CDH22: variants seen among roughly 807,000 people sequenced by gnomAD.
The protein encoded by CDH22 is cadherin-22.
Under a neutral mutation model 58.4 loss-of-function variants are expected in CDH22, and 30 were observed. The ratio of observed to expected loss-of-function variants is 0.51; its 90% CI spans 0.38 to 0.70. The LOEUF (loss-of-function observed/expected upper bound fraction) is 0.70. CDH22 is among the 30% of genes least tolerant of loss of function. The pLI is 0.00. For synonymous variants in CDH22, 513 were observed against 558.2 expected, an observed-to-expected ratio of 0.92 and a Z score of 1.14; for missense variants, 1,014 against 1,233.9, an observed-to-expected ratio of 0.82 and a Z score of 2.67.
chr20:46,279,601 C>T (rs1412627755), intron 1 of CDH22, among the ~76,000 whole-genome samples: 3 of 152,104 alleles, frequency 2.0e-5, no homozygotes, highest in Non-Finnish European at 2.9e-5. Context: ...TCTGTGGGTA[C>T]ATATAATGTA....
At chr20:46,285,532 C>T (rs1426379295) in intron 1 of CDH22, among the ~76,000 whole-genome samples, 2 of 152,180 alleles carry the variant, frequency 1.3e-5, no homozygotes, top group South Asian at 2.1e-4. Context: ...AGGACACCTT[C>T]CCCCCAAACA....
intron 1 of CDH22, among the ~76,000 whole-genome samples, chr20:46,255,703 G>T (rs899787509): frequency 6.6e-6 from 1 of 152,082 alleles, no homozygotes; most frequent in South Asian, 2.1e-4. Flanking sequence ...CAGACATGTC[G>T]GCCTCCTCCC....
At chr20:46,274,088 A>G (rs529354306) in intron 1 of CDH22, among the ~76,000 whole-genome samples, 1 of 152,342 alleles carries the variant, frequency 6.6e-6, no homozygotes, top group African/African-American at 2.4e-5. Context: ...TTTCAAAGGA[A>G]TTTTAATTGC....
intron 1 of CDH22, among the ~76,000 whole-genome samples, chr20:46,273,920 A>C (rs1340771130): frequency 1.3e-5 from 2 of 152,236 alleles, no homozygotes; most frequent in Admixed American, 1.3e-4. Context: ...GCAGAAGCCA[A>C]GTTGGGCTGG....
At chr20:46,240,410 T>C (rs898880873) in intron 3 of CDH22, among the ~76,000 whole-genome samples, 1 of 152,076 alleles carries the variant, frequency 6.6e-6, no homozygotes, top group African/African-American at 2.4e-5. Context: ...TAGCTGTTCC[T>C]AGTGGTGGGT....
intron 1 of CDH22, among the ~76,000 whole-genome samples, chr20:46,264,775 G>C (rs2086450049): frequency 6.6e-6 from 1 of 151,976 alleles, no homozygotes; most frequent in Admixed American, 6.6e-5. Flanking sequence ...CCCTCCTTAA[G>C]GCCTGACCTC....
chr20:46,178,304 C>G, intron 10 of CDH22, 107 bp from the exon 11 acceptor site: 1 of 1,256,796 alleles, frequency 8.0e-7, no homozygotes, highest in Non-Finnish European at 1.1e-6. Context: ...ATGCCCCAAA[C>G]TACAGCCTCC....
chr20:46,206,732 A>G (rs2086004263), intron 7 of CDH22, among the ~76,000 whole-genome samples: 2 of 152,184 alleles, frequency 1.3e-5, no homozygotes, highest in Non-Finnish European at 2.9e-5. Flanking sequence ...TAGTGCTTTC[A>G]GCAGTTATTC....
chr20:46,243,332 G>C (rs1057303790), intron 2 of CDH22, among the ~76,000 whole-genome samples: 1 of 152,228 alleles, frequency 6.6e-6, no homozygotes, highest in Non-Finnish European at 1.5e-5. Flanking sequence ...TTCATTAGCC[G>C]ATTAATGGGC....
At chr20:46,299,620 A>AAAT (rs3083842) in intron 1 of CDH22, among the ~76,000 whole-genome samples, 39 of 151,790 alleles carry the variant, frequency 2.6e-4, no homozygotes, top group Non-Finnish European at 4.3e-4. Flanking sequence ...AAAAAAATTA[A>AAAT]AATAATAATA....
intron 1 of CDH22, among the ~76,000 whole-genome samples, chr20:46,307,394 G>T (rs2059028694): frequency 6.6e-6 from 1 of 152,182 alleles, no homozygotes; most frequent in Admixed American, 6.5e-5. Flanking sequence ...GGCACCCCGC[G>T]CGCCCACGCA....
chr20:46,192,920 C>CT (rs2085871737), intron 8 of CDH22, among the ~76,000 whole-genome samples: 1 of 152,064 alleles, frequency 6.6e-6, no homozygotes, highest in South Asian at 2.1e-4. Context: ...CCCATGCCCC[C>CT]CCCCAGTGGG....
intron 1 of CDH22, among the ~76,000 whole-genome samples, chr20:46,288,321 T>G (rs995734405): frequency 1.3e-5 from 2 of 152,158 alleles, no homozygotes; most frequent in Admixed American, 6.5e-5. Flanking sequence ...CTGTACCTCA[T>G]AGAGCTCTTG....
chr20:46,235,395 C>G (rs2086245611), intron 3 of CDH22, among the ~76,000 whole-genome samples: 1 of 152,196 alleles, frequency 6.6e-6, no homozygotes, highest in African/African-American at 2.4e-5. Flanking sequence ...TATGCAGCAT[C>G]AAGCTGTAAA....
rs1235171352 is a variant in CDH22 at position 46,186,950 on chromosome 20, G to A, written c.1424-3C>T. 2 of 1,582,100 alleles carry A rather than the reference G, an allele frequency of 1.3e-6. No homozygotes were observed. Among genetic ancestry groups the A allele is most frequent in the Non-Finnish European group, 1.7e-6 (2 of 1,164,150 alleles). ...CCGGGATAGCTGTGCATGATTGTCTGTAATGAGAGCACAGGAGCAAGGGGA... is the reference window on the plus strand; with the variant it reads ...CCGGGATAGCTGTGCATGATTGTCTATAATGAGAGCACAGGAGCAAGGGGA... On this transcript the variant is annotated splice_region_variant and splice_polypyrimidine_tract_variant and intron_variant, in intron 8 of 11. Transcript: ENST00000537909.
intron 2 of CDH22, among the ~76,000 whole-genome samples, chr20:46,250,811 C>A (rs1462477923): frequency 6.6e-6 from 1 of 152,132 alleles, no homozygotes; most frequent in Admixed American, 6.5e-5. Flanking sequence ...AATGGGATTG[C>A]CTGCTGGGCT....
chr20:46,304,752 A>G (rs2086666895), intron 1 of CDH22, among the ~76,000 whole-genome samples: 1 of 152,202 alleles, frequency 6.6e-6, no homozygotes, highest in African/African-American at 2.4e-5. Context: ...ATTGTAAGAG[A>G]GCTGAGCTAA....
chr20:46,244,147 T>C (rs1331801521), intron 2 of CDH22, among the ~76,000 whole-genome samples: 1 of 152,194 alleles, frequency 6.6e-6, no homozygotes, highest in African/African-American at 2.4e-5. Context: ...TGGGTCTCCA[T>C]CATGTCCCTG....
intron 3 of CDH22, among the ~76,000 whole-genome samples, chr20:46,236,580 AAATAT>A (rs2086254129): frequency 1.4e-5 from 2 of 143,054 alleles, no homozygotes; most frequent in Admixed American, 7.2e-5. Context: ...TATTATATAT[AAATAT>A]AATATATAAT....
Sources: allele counts gnomAD v4.1 joint callset (sites outside exome capture counted in the v4.1 genomes callset), GRCh38; gene constraint gnomAD v4.1.1; transcripts MANE v1.5; gene names NCBI Gene and HGNC (gene_info 2026-07-23, HGNC 2026-07-21).